EXD1: variants seen among roughly 807,000 people sequenced by gnomAD.
EXD1 encodes exonuclease 3'-5' domain containing 1, also known as piRNA biogenesis protein EXD1.
EXD1 carries 63 observed loss-of-function variants against 49.1 expected under a neutral mutation model. The observed-to-expected ratio is 1.28, with a 90% CI of 1.05 to 1.58. The LOEUF (loss-of-function observed/expected upper bound fraction) is 1.58. Among genes scored for constraint, EXD1 ranks in the 40% most tolerant of loss-of-function variants. The pLI is 0.00. For synonymous variants in EXD1, 234 were observed against 239.2 expected (o/e 0.98, Z 0.20); for missense variants, 748 against 666.0 (o/e 1.12, Z -1.36).
chr15:41,206,071 G>C (rs2046817623), intron 7 of EXD1, among the ~76,000 whole-genome samples: 2 of 151,974 alleles, frequency 1.3e-5, no homozygotes, highest in Non-Finnish European at 2.9e-5. Context: ...CTAGGGAAGA[G>C]TGGGTGCAAT....
chr15:41,184,672 T>TG, intron 11 of EXD1, 79 bp from the exon 12 acceptor site: 2 of 1,373,906 alleles, frequency 1.5e-6, no homozygotes, highest in Non-Finnish European at 1.9e-6. Flanking sequence ...TTTTTTTTTT[T>TG]GAGATGGAGT....
At chr15:41,192,610 T>G (rs1159780002) in intron 9 of EXD1, among the ~76,000 whole-genome samples, 4 of 97,808 alleles carry the variant, frequency 4.1e-5, no homozygotes, top group African/African-American at 1.8e-4. Context: ...TTTTTTTTTT[T>G]TTTTTTTTTT....
chr15:41,214,497 G>A (rs1262088608), intron 6 of EXD1, among the ~76,000 whole-genome samples: 1 of 148,874 alleles, frequency 6.7e-6, no homozygotes, highest in African/African-American at 2.5e-5. Context: ...TGGGCCACAA[G>A]GCGAGACTCC....
At chr15:41,186,554 A>G (rs1340457614) in intron 11 of EXD1, among the ~76,000 whole-genome samples, 1 of 150,098 alleles carries the variant, frequency 6.7e-6, no homozygotes, top group Non-Finnish European at 1.5e-5. Flanking sequence ...CCATGTCATT[A>G]TTCCCTAAAC....
rs557043104 is a variant in EXD1 at position 41,221,773 on chromosome 15, A to G, written c.134-1875T>C. Among the ~76,000 whole-genome samples, 3 of 151,930 alleles carry G rather than the reference A, an allele frequency of 2.0e-5. No individual in the cohort carries two copies. In the East Asian group the frequency reaches 5.8e-4, roughly 29 times the overall value. ...ATTCATTTTTTCTCCAGCATGGACT[A>G]TTCTTCTCAGCTCCCCTCATATTTT... On this transcript the variant is annotated intron_variant, in intron 2 of 11. Transcript: ENST00000458580.
intron 11 of EXD1, 65 bp from the exon 12 acceptor site, chr15:41,184,658 C>CAT: frequency 1.6e-6 from 2 of 1,260,000 alleles, no homozygotes; most frequent in Non-Finnish European, 2.1e-6. Flanking sequence ...CTTAAAATCA[C>CAT]TTTTTTTTTT....
In EXD1 at chr15:41,196,015, T is replaced by TA; in HGVS notation, c.556dup (p.Tyr186LeufsTer4). The TA allele has an allele frequency of 6.2e-7, 1 of 1,613,012 alleles. No homozygotes were observed. The highest frequency in any genetic ancestry group is 8.5e-7 in the Non-Finnish European group (1 of 1,179,702). On this transcript the variant is annotated frameshift_variant, in exon 8 of 12. Transcript: ENST00000458580. LOFTEE classifies it high-confidence loss of function. Reference sequence around the variant, plus strand: ...TCCCAGAAGGAAAATGTCAAATAAGTAAACTCGGCAATTTGTGGCCACCTA... The same window carrying TA: ...TCCCAGAAGGAAAATGTCAAATAAGTAAAACTCGGCAATTTGTGGCCACCTA...
intron 7 of EXD1, among the ~76,000 whole-genome samples, chr15:41,198,127 T>C (rs941244981): frequency 6.6e-6 from 1 of 152,204 alleles, no homozygotes; most frequent in African/African-American, 2.4e-5. Context: ...TCCTGAAATA[T>C]AGCTCCTAAA....
rs542902532 is a variant in EXD1 at position 41,202,066 on chromosome 15, G to A, written c.535-6029C>T. 5.9e-5 allele frequency among the ~76,000 whole-genome samples: 9 copies of A among 152,006 alleles called. No homozygotes were observed. In the East Asian group the frequency reaches 1.7e-3, roughly 29 times the overall value. ...AAAGCTAGGCATATGACAGTGTGATGCCACTTCTGTCATTTCAGGAGCTGA... is the reference window on the plus strand; with the variant it reads ...AAAGCTAGGCATATGACAGTGTGATACCACTTCTGTCATTTCAGGAGCTGA... On this transcript the variant is annotated intron_variant, in intron 7 of 11. Transcript: ENST00000458580.
At chr15:41,199,753 A>AAAATATCATATATG in intron 7 of EXD1, among the ~76,000 whole-genome samples, 1 of 96,874 alleles carries the variant, frequency 1.0e-5, no homozygotes, top group Admixed American at 1.3e-4. Flanking sequence ...TATATTATAT[A>AAAATATCATATATG]TGATACATAT....
At chr15:41,215,184 C>G (rs1205247555) in intron 6 of EXD1, among the ~76,000 whole-genome samples, 1 of 152,184 alleles carries the variant, frequency 6.6e-6, no homozygotes, top group Non-Finnish European at 1.5e-5. Context: ...CCATACCATG[C>G]TTTATTTTTA....
intron 2 of EXD1, among the ~76,000 whole-genome samples, chr15:41,220,480 G>A (rs955427963): frequency 7.9e-5 from 12 of 152,018 alleles, no homozygotes; most frequent in African/African-American, 2.7e-4. Flanking sequence ...GGATTGGCTC[G>A]ATCTCCTGAC....
At position 41,216,689 on chromosome 15, in the gene EXD1, C is replaced by G. The variant is rs2047003614; in HGVS notation, c.367G>C (p.Asp123His). 2 of 1,613,068 alleles carry G rather than the reference C, an allele frequency of 1.2e-6. No individual in the cohort carries two copies. The highest frequency in any genetic ancestry group is 2.2e-5 in the East Asian group (1 of 44,882). Residue 123 changes from aspartate to histidine, a missense_variant, in exon 5 of 12, where the codon GAC becomes CAC. Coordinates refer to ENST00000458580, the MANE Select transcript of EXD1 (RefSeq NM_001286441.2). ...PEAPATSLLN[D>H]LKYSPSEEEE... ...TCACCTGATGGGCTGTACTTGAGGTCATTCAGCAGAGAGGTAGCTGGTGCT... is the reference window on the plus strand; with the variant it reads ...TCACCTGATGGGCTGTACTTGAGGTGATTCAGCAGAGAGGTAGCTGGTGCT...
At chr15:41,199,147 C>A (rs528974483) in intron 7 of EXD1, among the ~76,000 whole-genome samples, 1 of 151,960 alleles carries the variant, frequency 6.6e-6, no homozygotes, top group African/African-American at 2.4e-5. Flanking sequence ...TTAGTAGAGA[C>A]GGGATTTTAC....
At chr15:41,225,186 T>C (rs1229831433) in intron 2 of EXD1, among the ~76,000 whole-genome samples, 2 of 152,224 alleles carry the variant, frequency 1.3e-5, no homozygotes, top group African/African-American at 4.8e-5. Context: ...ACCTCTTTAC[T>C]TTTTGTAAGA....
At chr15:41,216,627 A>G (rs1187262445) in intron 5 of EXD1, 41 bp downstream of exon 5, 9 of 1,567,134 alleles carry the variant, frequency 5.7e-6, no homozygotes, top group African/African-American at 1.4e-5. Context: ...GCGAAACTCC[A>G]TCTCAAAAAA....
intron 7 of EXD1, among the ~76,000 whole-genome samples, chr15:41,196,591 C>A (rs1031448570): frequency 2.0e-5 from 3 of 151,452 alleles, no homozygotes; most frequent in Non-Finnish European, 4.4e-5. Flanking sequence ...GCTGGGATTA[C>A]ATGTGTGAGC....
At chr15:41,196,362 G>A (rs1428336581) in intron 7 of EXD1, among the ~76,000 whole-genome samples, 2 of 147,652 alleles carry the variant, frequency 1.4e-5, no homozygotes, top group Non-Finnish European at 3.0e-5. Context: ...TGTCACCTGG[G>A]CTGGAGTGCA....
At chr15:41,219,723 C>G (rs2047056809) in intron 3 of EXD1, 107 bp downstream of exon 3, 1 of 893,672 alleles carries the variant, frequency 1.1e-6, no homozygotes, top group Non-Finnish European at 1.7e-6. Flanking sequence ...GATCAATTCT[C>G]AAATACCAAC....
Sources: allele counts gnomAD v4.1 joint callset (sites outside exome capture counted in the v4.1 genomes callset), GRCh38; gene constraint gnomAD v4.1.1; transcripts MANE v1.5; gene names NCBI Gene and HGNC (gene_info 2026-07-23, HGNC 2026-07-21).